The following ELF1 variants were observed in gnomAD, a reference collection of about 807,000 sequenced individuals.
The protein encoded by ELF1 is ETS-related transcription factor Elf-1.
ELF1 carries 24 observed loss-of-function variants against 59.9 expected under a neutral mutation model. The ratio of observed to expected loss-of-function variants is 0.40; its 90% confidence interval spans 0.29 to 0.56. ELF1 has a LOEUF of 0.56. Ranked by LOEUF, ELF1 falls within the 20% of genes least tolerant of loss-of-function variation. The probability of loss-of-function intolerance (pLI) is 0.44; values close to 1 mark genes in which losing one functional copy is unlikely to be tolerated. For synonymous variants in ELF1, 248 were observed against 266.2 expected, an observed-to-expected ratio of 0.93 and a Z score of 0.67; for missense variants, 627 against 742.2, an observed-to-expected ratio of 0.84 and a Z score of 1.80.
At position 40,968,533 on chromosome 13, in the gene ELF1, T is replaced by G. The variant is rs1466487749; in HGVS notation, c.73-9517A>C. On this transcript the variant is annotated intron_variant, in intron 2 of 8. Coordinates refer to ENST00000239882, the MANE Select transcript of ELF1 (RefSeq NM_172373.4). ...ATTCCAAAGTGTATTTTAAATGATT[T>G]CAGGAATTGATGTATTACACAAAGC... is the stretch of plus-strand genomic sequence containing the variant. 2.6e-5 allele frequency among the ~76,000 whole-genome samples: 4 copies of G among 152,308 alleles called. No individual in the cohort carries two copies. In the East Asian group the frequency reaches 7.7e-4, roughly 29 times the overall value.
At chr13:40,956,591 A>AG (rs1871458242) in intron 3 of ELF1, among the ~76,000 whole-genome samples, 1 of 150,650 alleles carries the variant, frequency 6.6e-6, no homozygotes, top group East Asian at 1.9e-4. Flanking sequence ...AAAAAAAAAA[A>AG]AAAGAAAGTT....
intron 1 of ELF1, among the ~76,000 whole-genome samples, chr13:41,004,310 C>T (rs541844483): frequency 6.6e-6 from 1 of 151,846 alleles, no homozygotes; most frequent in Non-Finnish European, 1.5e-5. Context: ...AAAGAAATAG[C>T]CCACATCTGT....
At chr13:40,947,976 A>G (rs1038957014) in intron 5 of ELF1, among the ~76,000 whole-genome samples, 3 of 152,226 alleles carry the variant, frequency 2.0e-5, no homozygotes, top group Non-Finnish European at 4.4e-5. Flanking sequence ...TCAAGATGGA[A>G]TAACAGAACA....
chr13:40,964,511 C>T (rs1298394885), intron 2 of ELF1, among the ~76,000 whole-genome samples: 2 of 6,234 alleles, frequency 3.2e-4, no homozygotes, highest in African/African-American at 5.4e-4. Context: ...CCACTCACCC[C>T]CCGACTTTTT....
chr13:41,050,753 A>T (rs1015458832), intron 1 of ELF1, among the ~76,000 whole-genome samples: 1 of 151,970 alleles, frequency 6.6e-6, no homozygotes, highest in Admixed American at 6.6e-5. Context: ...ATTTCACCAT[A>T]TTTGCCAGGC....
At chr13:40,959,164 G>A in intron 2 of ELF1, 148 bp from the exon 3 acceptor site, 2 of 1,227,660 alleles carry the variant, frequency 1.6e-6, no homozygotes, top group Non-Finnish European at 2.2e-6. Flanking sequence ...TAGGCATTAG[G>A]TAATTTGTAT....
chr13:41,051,974 T>A (rs1877108392), intron 1 of ELF1, among the ~76,000 whole-genome samples: 1 of 147,766 alleles, frequency 6.8e-6, no homozygotes, highest in Non-Finnish European at 1.5e-5. Context: ...TCTCACTCAG[T>A]CTGTCGCCCA....
At chr13:40,997,690 T>C (rs1422530694) in intron 1 of ELF1, among the ~76,000 whole-genome samples, 1 of 151,382 alleles carries the variant, frequency 6.6e-6, no homozygotes, top group African/African-American at 2.4e-5. Context: ...CCACACTCAA[T>C]ATCCTCTTTT....
chr13:40,956,141 G>A (rs1243986517), intron 3 of ELF1, among the ~76,000 whole-genome samples: 2 of 150,314 alleles, frequency 1.3e-5, no homozygotes, highest in African/African-American at 2.4e-5. Flanking sequence ...GGGGGGAAAG[G>A]TGGGGAAAAG....
At chr13:41,003,347 C>A (rs1430872078) in intron 1 of ELF1, among the ~76,000 whole-genome samples, 1 of 152,106 alleles carries the variant, frequency 6.6e-6, no homozygotes, top group Non-Finnish European at 1.5e-5. Flanking sequence ...TCTAAAACTC[C>A]TTAAAAATTA....
At chr13:40,986,937 CTT>C (rs1555276215) in intron 1 of ELF1, among the ~76,000 whole-genome samples, 7 of 126,880 alleles carry the variant, frequency 5.5e-5, no homozygotes, top group East Asian at 2.4e-4. Flanking sequence ...AATCATTGCT[CTT>C]TTTTTTTTTT....
At chr13:41,003,049 TA>T (rs1486172737) in intron 1 of ELF1, among the ~76,000 whole-genome samples, 3 of 152,200 alleles carry the variant, frequency 2.0e-5, no homozygotes, top group Non-Finnish European at 2.9e-5. Context: ...CATTAAACAG[TA>T]AAAGATTAGT....
chr13:40,952,264 AT>A (rs949059367), intron 3 of ELF1, among the ~76,000 whole-genome samples: 5 of 151,692 alleles, frequency 3.3e-5, no homozygotes, highest in African/African-American at 9.7e-5. Context: ...TTCAACTTTA[AT>A]TTTTTTTGGC....
intron 2 of ELF1, among the ~76,000 whole-genome samples, chr13:40,968,409 G>A (rs1032952483): frequency 6.6e-6 from 1 of 152,104 alleles, no homozygotes; most frequent in Non-Finnish European, 1.5e-5. Context: ...TTATCTTTGG[G>A]AATAAATAAT....
rs369423492 is a variant in ELF1, at chr13:40,933,830, C to A, written c.1455G>T (p.Met485Ile). 1.2e-6 allele frequency: 2 copies of A among 1,614,248 alleles called. No homozygotes were observed. Among genetic ancestry groups the A allele is most frequent in the East Asian group, 4.5e-5 (2 of 44,884 alleles). The change falls in exon 9 of 9, where the codon ATG (methionine) becomes ATT (isoleucine). Residue 485 changes from methionine (M) to isoleucine (I), a missense_variant. Coordinates refer to ENST00000239882, the MANE Select transcript of ELF1 (RefSeq NM_172373.4). ...GAGAGCCCGCCTTTTGTGACTGCAG[C>A]ATGACATTTTCTTTCAGTACTGTCA... Reference protein sequence around the residue: ...QPMTVLKENVMLQSQKAGSPP... With the variant: ...QPMTVLKENVILQSQKAGSPP...
Position 40,982,055 on chromosome 13 carries a change from A to G in ELF1, c.-1T>C. Reference sequence around the variant, plus strand: ...CGTTCTGTTGGACAACAGCAGCCATAATAAAGCATTCCCCTTAGATCCACA... The same window carrying G: ...CGTTCTGTTGGACAACAGCAGCCATGATAAAGCATTCCCCTTAGATCCACA... On this transcript the variant is annotated 5_prime_UTR_variant, in exon 2 of 9. Coordinates refer to ENST00000239882, the MANE Select transcript of ELF1 (RefSeq NM_172373.4). 1.2e-6 allele frequency: 2 copies of G among 1,611,856 alleles called. No homozygotes were observed. The highest frequency in any genetic ancestry group is 1.7e-6 in the Non-Finnish European group (2 of 1,178,940).
intron 1 of ELF1, among the ~76,000 whole-genome samples, chr13:41,057,145 T>C (rs1246653272): frequency 8.3e-6 from 1 of 120,878 alleles, no homozygotes; most frequent in African/African-American, 3.1e-5. Context: ...TACTGAACTT[T>C]CACGTCTTTT....
At chr13:41,055,187 G>A (rs1028684968) in intron 1 of ELF1, among the ~76,000 whole-genome samples, 1 of 152,106 alleles carries the variant, frequency 6.6e-6, no homozygotes, top group Non-Finnish European at 1.5e-5. Flanking sequence ...AAGAGGTATC[G>A]TTCTTCCTAA....
chr13:40,981,025 T>C (rs1025602246), intron 2 of ELF1, among the ~76,000 whole-genome samples: 4 of 152,156 alleles, frequency 2.6e-5, no homozygotes, highest in African/African-American at 9.6e-5. Context: ...ATTTTAATTT[T>C]ATAAAAATCA....
Sources: allele counts gnomAD v4.1 joint callset (sites outside exome capture counted in the v4.1 genomes callset), GRCh38; gene constraint gnomAD v4.1.1; transcripts MANE v1.5; gene names NCBI Gene and HGNC (gene_info 2026-07-23, HGNC 2026-07-21).